Variants in RGS6 observed in about 807,000 individuals in gnomAD.
RGS6 encodes the protein regulator of G-protein signaling 6.
RGS6 carries 30 observed loss-of-function variants against 78.5 expected under a neutral mutation model. The observed-to-expected ratio is 0.38, with a 90% CI of 0.29 to 0.52. The LOEUF is 0.52. Among genes scored for constraint, RGS6 ranks in the 20% least tolerant of loss-of-function variants. The probability of loss-of-function intolerance (pLI) is 0.85; values close to 1 mark genes in which losing one functional copy is unlikely to be tolerated. For missense variants in RGS6, 495 were observed against 609.7 expected (o/e 0.81, Z 1.98); for synonymous variants, 206 against 206.0 (o/e 1.00, Z 0.00).
At chr14:72,427,028 C>T (rs1451459226) in intron 3 of RGS6, among the ~76,000 whole-genome samples, 1 of 152,210 alleles carries the variant, frequency 6.6e-6, no homozygotes, top group Middle Eastern at 3.2e-3. Context: ...TGGAAAGGAA[C>T]AGAAGTGCCC....
At chr14:72,293,173 G>A (rs187508836) in intron 2 of RGS6, among the ~76,000 whole-genome samples, 110 of 152,242 alleles carry the variant, frequency 7.2e-4, no homozygotes, top group African/African-American at 2.5e-3. Flanking sequence ...ATCCAAGGGG[G>A]TGTTCTTACT....
chr14:72,353,840 C>G (rs373957042), intron 3 of RGS6, among the ~76,000 whole-genome samples: 1 of 151,902 alleles, frequency 6.6e-6, no homozygotes. Flanking sequence ...AAAAATTAGC[C>G]GGGCGTAGTG....
At chr14:72,590,934 T>C in the RGS6 span, among the ~76,000 whole-genome samples, 1 of 152,376 alleles carries the variant, frequency 6.6e-6, no homozygotes, top group African/African-American at 2.4e-5. Flanking sequence ...ACCCCTCTGT[T>C]ATTTTTATTA....
At chr14:72,268,481 C>T (rs2059416148) in intron 2 of RGS6, among the ~76,000 whole-genome samples, 1 of 152,332 alleles carries the variant, frequency 6.6e-6, no homozygotes, top group South Asian at 2.1e-4. Context: ...AATGGAACAG[C>T]ACCCCACAGA....
chr14:72,403,383 A>G (rs2092644928), intron 3 of RGS6, among the ~76,000 whole-genome samples: 1 of 152,230 alleles, frequency 6.6e-6, no homozygotes, highest in South Asian at 2.1e-4. Context: ...TCATTCACAT[A>G]CAGAAGCTGA....
intron 2 of RGS6, among the ~76,000 whole-genome samples, chr14:71,975,607 T>C (rs566848246): frequency 6.6e-6 from 1 of 152,158 alleles, no homozygotes; most frequent in East Asian, 1.9e-4. Context: ...TAGAGGTGCG[T>C]GCCACCACGC....
At chr14:71,905,483 T>C in the RGS6 span, among the ~76,000 whole-genome samples, 4 of 152,144 alleles carry the variant, frequency 2.6e-5, no homozygotes, top group African/African-American at 9.7e-5. Context: ...TTCCTTCTTC[T>C]CTCTGTTTCT....
chr14:72,546,299 GA>G lies in RGS6; in HGVS notation c.1422+6209del, dbSNP rs556105297. On this transcript the variant is annotated intron_variant, in intron 17 of 17. Transcript: ENST00000553525. ...TGTTATAGTTTTGTAGCTGGAAAAT[GA>G]AAATATAAAAGTCTATTTTTTATAA... 4.4e-3 allele frequency among the ~76,000 whole-genome samples: 672 copies of G among 152,300 alleles called. 4 individuals are homozygous for G. The highest frequency in any genetic ancestry group is 7.4e-3 in the Non-Finnish European group (505 of 68,014).
chr14:72,420,471 T>G (rs1028813002), intron 3 of RGS6, among the ~76,000 whole-genome samples: 11 of 152,222 alleles, frequency 7.2e-5, no homozygotes, highest in African/African-American at 2.2e-4. Context: ...CAGTCATCAT[T>G]GCTGCATAAT....
chr14:72,089,569 C>T (rs143788192), intron 2 of RGS6, among the ~76,000 whole-genome samples: 206 of 152,256 alleles, frequency 1.4e-3, no homozygotes, highest in African/African-American at 4.6e-3. Flanking sequence ...GCTGAGAAAT[C>T]ACTGTTGAAT....
intron 2 of RGS6, among the ~76,000 whole-genome samples, chr14:72,173,923 G>A (rs1456687200): frequency 6.6e-6 from 1 of 152,102 alleles, no homozygotes; most frequent in East Asian, 1.9e-4. Context: ...CCTGTAAAGA[G>A]GATAATACAC....
At chr14:72,540,431 T>A in intron 17 of RGS6, 1 of 1,472,312 alleles carries the variant, frequency 6.8e-7, no homozygotes, top group Admixed American at 2.4e-5. Context: ...CTGCAGCAGC[T>A]CAGGGAGAAG....
intron 17 of RGS6, among the ~76,000 whole-genome samples, chr14:72,545,992 T>TG (rs570838061): frequency 6.6e-6 from 1 of 152,128 alleles, no homozygotes; most frequent in Non-Finnish European, 1.5e-5. Context: ...GCATGCACTG[T>TG]GGGGTCCCAG....
At chr14:72,629,639 C>T in the RGS6 span, 1 of 1,535,690 alleles carries the variant, frequency 6.5e-7, no homozygotes, top group Non-Finnish European at 8.7e-7. Context: ...TCTCTGAGGT[C>T]CCACAGAGGA....
At chr14:72,044,209 T>C (rs2092659480) in intron 2 of RGS6, among the ~76,000 whole-genome samples, 1 of 152,224 alleles carries the variant, frequency 6.6e-6, no homozygotes. Context: ...TTGCATATTG[T>C]CTGCTTTTCC....
chr14:72,541,489 C>CT (rs1165300971), intron 17 of RGS6: 3 of 1,535,720 alleles, frequency 2.0e-6, no homozygotes, highest in East Asian at 4.9e-5. Context: ...AACACAAGGC[C>CT]TGCGGGTGCC....
chr14:72,579,821 A>G, the RGS6 span, among the ~76,000 whole-genome samples: 1 of 152,250 alleles, frequency 6.6e-6, no homozygotes. Flanking sequence ...CCTGGAGGCC[A>G]CTGAAGTAAC....
intron 2 of RGS6, among the ~76,000 whole-genome samples, chr14:72,214,858 A>G (rs1405464785): frequency 6.6e-6 from 1 of 152,238 alleles, no homozygotes; most frequent in African/African-American, 2.4e-5. Context: ...CCATCCAGCC[A>G]TGAGGACTTA....
chr14:72,165,239 C>T (rs1306045975), intron 2 of RGS6, among the ~76,000 whole-genome samples: 1 of 152,218 alleles, frequency 6.6e-6, no homozygotes, highest in East Asian at 1.9e-4. Flanking sequence ...ATGAGATGCC[C>T]ATGCAGCGTC....
Sources: allele counts gnomAD v4.1 joint callset (sites outside exome capture counted in the v4.1 genomes callset), GRCh38; gene constraint gnomAD v4.1.1; transcripts MANE v1.5; gene names NCBI Gene and HGNC (gene_info 2026-07-23, HGNC 2026-07-21).